The following ERBB4 variants were observed in gnomAD, a reference collection of about 807,000 sequenced individuals.
The protein encoded by ERBB4 is erb-b2 receptor tyrosine kinase 4.
Under a neutral mutation model 158.0 loss-of-function variants are expected in ERBB4, and 42 were observed. That is an observed-to-expected ratio of 0.27 (90% confidence interval 0.21 to 0.34). The LOEUF is 0.34. Among genes scored for constraint, ERBB4 ranks in the 10% least tolerant of loss-of-function variants. The pLI is 1.00. For missense variants in ERBB4, 1,333 were observed against 1,624.1 expected (o/e 0.82, Z 3.08); for synonymous variants, 583 against 558.7 (o/e 1.04, Z -0.61).
intron 19 of ERBB4, among the ~76,000 whole-genome samples, chr2:211,599,701 C>T (rs2068743534): frequency 6.6e-6 from 1 of 152,082 alleles, no homozygotes; most frequent in South Asian, 2.1e-4. Flanking sequence ...ATAAGGTTGA[C>T]AGTACTACTG....
rs927114346 is a variant in ERBB4 at position 211,722,264 on chromosome 2, G to A, written c.883+129C>T. The A allele has an allele frequency of 8.3e-6, 6 of 719,040 alleles. No individual in the cohort carries two copies. In the East Asian group the frequency reaches 1.6e-4, roughly 19 times the overall value. The allele number at this position is 719,040 out of a possible 1,614,324, so 44.5% of individuals were successfully genotyped here. A position where few individuals can be genotyped will look rare whatever the true frequency, so the allele number is the denominator to read the frequency against. On this transcript the variant is annotated intron_variant, in intron 7 of 27. Transcript: ENST00000342788. ...TAGTTTCTTTATTTATAAAATGGGG[G>A]CAATAGTATCTATACCCAAAGTACT...
chr2:211,698,379 G>A (rs1264742350), intron 12 of ERBB4, among the ~76,000 whole-genome samples: 1 of 150,862 alleles, frequency 6.6e-6, no homozygotes, highest in Admixed American at 6.6e-5. Context: ...AATGGGAGAT[G>A]CTTATACTAT....
chr2:211,515,341 G>A (rs2065994426), intron 20 of ERBB4, among the ~76,000 whole-genome samples: 1 of 152,064 alleles, frequency 6.6e-6, no homozygotes, highest in South Asian at 2.1e-4. Flanking sequence ...ACTGTTGGAT[G>A]AATTCTGGCA....
At position 212,538,606 on chromosome 2, in the gene ERBB4, G is replaced by T; in HGVS notation, c.-76C>A. On this transcript the variant is annotated 5_prime_UTR_variant, in exon 1 of 28. Coordinates refer to ENST00000342788, the MANE Select transcript of ERBB4 (RefSeq NM_005235.3). ...ATCCCCCTTTCGGGCACGCGGAGGAGATCCCCCAGCCGGGCGCGCGTGGGG... is the reference window on the plus strand; with the variant it reads ...ATCCCCCTTTCGGGCACGCGGAGGATATCCCCCAGCCGGGCGCGCGTGGGG... 2 of 1,463,976 alleles carry T rather than the reference G, an allele frequency of 1.4e-6. No individual in the cohort carries two copies. The highest frequency in any genetic ancestry group is 1.9e-6 in the Non-Finnish European group (2 of 1,044,504). 90.7% of individuals were successfully genotyped at this position (1,463,976 alleles called of 1,614,324 possible). A position where few individuals can be genotyped will look rare whatever the true frequency, so the allele number is the denominator to read the frequency against.
chr2:211,987,146 C>A (rs1168421632), intron 2 of ERBB4, among the ~76,000 whole-genome samples: 1 of 151,758 alleles, frequency 6.6e-6, no homozygotes, highest in East Asian at 1.9e-4. Flanking sequence ...CATAGCAAAA[C>A]CTGGTCTCTA....
intron 3 of ERBB4, among the ~76,000 whole-genome samples, chr2:211,929,816 G>A (rs1192519601): frequency 6.6e-6 from 1 of 152,118 alleles, no homozygotes; most frequent in East Asian, 1.9e-4. Context: ...AAATGCATCT[G>A]TGTATGTGTC....
At chr2:211,829,559 T>C (rs1333805369) in intron 3 of ERBB4, among the ~76,000 whole-genome samples, 2 of 152,184 alleles carry the variant, frequency 1.3e-5, no homozygotes, top group Non-Finnish European at 2.9e-5. Flanking sequence ...TGTTTACTTG[T>C]TTATCATCTG....
At chr2:212,235,008 G>A (rs547418003) in intron 1 of ERBB4, among the ~76,000 whole-genome samples, 39 of 152,206 alleles carry the variant, frequency 2.6e-4, no homozygotes, top group East Asian at 3.9e-4. Context: ...TTTGGCTTGC[G>A]ATGCCATTGG....
chr2:212,449,349 G>A (rs1337524575), intron 1 of ERBB4, among the ~76,000 whole-genome samples: 3 of 152,150 alleles, frequency 2.0e-5, no homozygotes, highest in Non-Finnish European at 4.4e-5. Context: ...TTGGTAGGAA[G>A]AGGTACAAAA....
At chr2:211,474,354 C>T (rs1439883463) in intron 20 of ERBB4, among the ~76,000 whole-genome samples, 1 of 152,002 alleles carries the variant, frequency 6.6e-6, no homozygotes, top group African/African-American at 2.4e-5. Flanking sequence ...GAAGACAACA[C>T]TGAAGTTTTG....
chr2:212,237,991 C>T (rs988708462), intron 1 of ERBB4, among the ~76,000 whole-genome samples: 4 of 152,220 alleles, frequency 2.6e-5, no homozygotes, highest in Admixed American at 2.6e-4. Context: ...AATTTCAAGC[C>T]AGTGGATTTT....
chr2:212,250,025 C>T (rs2084473493), intron 1 of ERBB4, among the ~76,000 whole-genome samples: 1 of 151,948 alleles, frequency 6.6e-6, no homozygotes, highest in Admixed American at 6.6e-5. Flanking sequence ...ATATGCATAC[C>T]ATTATCAATT....
intron 11 of ERBB4, among the ~76,000 whole-genome samples, chr2:211,702,497 A>G (rs2073290040): frequency 6.6e-6 from 1 of 152,222 alleles, no homozygotes; most frequent in African/African-American, 2.4e-5. Flanking sequence ...CTGTATTAAC[A>G]CTAAAGAAGT....
At chr2:211,872,165 A>G (rs1308475495) in intron 3 of ERBB4, among the ~76,000 whole-genome samples, 1 of 152,240 alleles carries the variant, frequency 6.6e-6, no homozygotes, top group Non-Finnish European at 1.5e-5. Flanking sequence ...ATACATATAT[A>G]AAAAGGCTAA....
At chr2:211,722,007 C>T (rs1438140893) in intron 7 of ERBB4, among the ~76,000 whole-genome samples, 5 of 152,098 alleles carry the variant, frequency 3.3e-5, no homozygotes, top group African/African-American at 1.2e-4. Context: ...GGGCTACAGG[C>T]GCCCGCCACC....
At chr2:212,051,633 T>C (rs1171388580) in intron 2 of ERBB4, among the ~76,000 whole-genome samples, 1 of 152,144 alleles carries the variant, frequency 6.6e-6, no homozygotes, top group East Asian at 1.9e-4. Context: ...TTATCACACA[T>C]AATTTAAAGA....
At chr2:211,865,632 T>C (rs1434594314) in intron 3 of ERBB4, among the ~76,000 whole-genome samples, 1 of 152,084 alleles carries the variant, frequency 6.6e-6, no homozygotes, top group Admixed American at 6.5e-5. Context: ...GGATTTTCTG[T>C]CTACTTGAAT....
chr2:212,148,145 CTTTT>C (rs78160323), intron 1 of ERBB4, among the ~76,000 whole-genome samples: 1 of 142,846 alleles, frequency 7.0e-6, no homozygotes. Context: ...AGAGTATTTT[CTTTT>C]TTTTTTTTAT....
intron 15 of ERBB4, among the ~76,000 whole-genome samples, chr2:211,659,259 C>T (rs1179634372): frequency 6.6e-6 from 1 of 151,758 alleles, no homozygotes; most frequent in Non-Finnish European, 1.5e-5. Context: ...TTTGGAGTAG[C>T]GCAGACAAAT....
Sources: allele counts gnomAD v4.1 joint callset (sites outside exome capture counted in the v4.1 genomes callset), GRCh38; gene constraint gnomAD v4.1.1; transcripts MANE v1.5; gene names NCBI Gene and HGNC (gene_info 2026-07-23, HGNC 2026-07-21).